Variants in POLA1 observed in about 807,000 individuals in gnomAD.
The protein encoded by POLA1 is DNA polymerase alpha catalytic subunit.
In POLA1, 15 loss-of-function variants were observed where a neutral mutation model predicts 124.0. That is an observed-to-expected ratio of 0.12 (90% CI 0.08 to 0.19). The LOEUF (loss-of-function observed/expected upper bound fraction) is 0.19. POLA1 is among the 10% of genes least tolerant of loss of function. POLA1 has a pLI of 1.00. For missense variants in POLA1, 886 were observed against 1,103.4 expected (o/e 0.80, Z 2.79); for synonymous variants, 408 against 389.4 (o/e 1.05, Z -0.56).
At chrX:24,969,290 G>C (rs771828596) in intron 36 of POLA1, among the ~76,000 whole-genome samples, 32 of 110,975 alleles carry the variant, frequency 2.9e-4, no homozygotes, top group African/African-American at 9.8e-4. Context: ...TGAGGTGGCA[G>C]AACCCTTTAT....
chrX:24,753,112 C>T (rs1472473419), intron 26 of POLA1, among the ~76,000 whole-genome samples: 2 of 108,534 alleles, frequency 1.8e-5, no homozygotes, highest in African/African-American at 6.7e-5. Flanking sequence ...CCCGGGTTCA[C>T]GCCATTCTAC....
intron 23 of POLA1, among the ~76,000 whole-genome samples, chrX:24,743,863 C>T (rs760267133): frequency 9.0e-6 from 1 of 111,143 alleles, no homozygotes; most frequent in South Asian, 3.8e-4. Context: ...TTTTGTGGTA[C>T]ACAGAGCTAG....
chrX:24,958,156 G>C (rs1320260289), intron 36 of POLA1, among the ~76,000 whole-genome samples: 1 of 111,810 alleles, frequency 8.9e-6, no homozygotes, highest in African/African-American at 3.2e-5. Context: ...GGCGAGACTT[G>C]AGGTGATCTT....
intron 20 of POLA1, 54 bp from the exon 21 acceptor site, chrX:24,741,321 G>C (rs1046952893): frequency 2.1e-6 from 2 of 972,684 alleles, no homozygotes; most frequent in Non-Finnish European, 2.9e-6. Flanking sequence ...TCTGATTATA[G>C]GCATTGTTTC....
At chrX:24,840,414 G>A (rs1601791939) in intron 32 of POLA1, among the ~76,000 whole-genome samples, 1 of 111,918 alleles carries the variant, frequency 8.9e-6, no homozygotes, top group Non-Finnish European at 1.9e-5. Context: ...TGCTACCTCC[G>A]TTTCGCAGGT....
chrX:24,735,507 A>G lies in POLA1; in HGVS notation c.1923+19A>G. 1.1e-6 allele frequency: 1 copy of G among 941,227 alleles called. No individual in the cohort carries two copies. Among genetic ancestry groups the G allele is most frequent in the Non-Finnish European group, 1.5e-6 (1 of 650,405 alleles). The allele number at this position is 941,227 out of a possible 1,213,427, so 77.6% of individuals were successfully genotyped here. A position where few individuals can be genotyped will look rare whatever the true frequency, so the allele number is the denominator to read the frequency against. ...CATTGTGGTGAGTAGATGTTTGATC[A>G]TGTTGTGGGGAAGCTCTTCATTTCT... On this transcript the variant is annotated intron_variant, in intron 18 of 36. Transcript: ENST00000379068.
chrX:24,742,159 A>ACC (rs113389943), intron 22 of POLA1, 38 bp downstream of exon 22: 103 of 829,154 alleles, frequency 1.2e-4, no homozygotes, highest in Middle Eastern at 6.4e-4. Context: ...TTTTCTCTTA[A>ACC]CCCCCCCCCC....
intron 22 of POLA1, among the ~76,000 whole-genome samples, chrX:24,742,505 G>A (rs1161863099): frequency 8.9e-6 from 1 of 111,989 alleles, no homozygotes; most frequent in East Asian, 2.8e-4. Context: ...TTCTGTACTA[G>A]TATGACCAAG....
chrX:24,951,356 C>G (rs567643840), intron 36 of POLA1, among the ~76,000 whole-genome samples: 8,707 of 75,973 alleles, frequency 0.11, 635 homozygotes, highest in Middle Eastern at 0.14. Context: ...CCCCCCCCCC[C>G]CCACCAAATG....
intron 36 of POLA1, among the ~76,000 whole-genome samples, chrX:24,952,269 C>G (rs1040029914): frequency 2.7e-5 from 3 of 112,032 alleles, no homozygotes; most frequent in Non-Finnish European, 5.6e-5. Flanking sequence ...TCTTTGCTGC[C>G]ATCCTTTTGT....
intron 26 of POLA1, among the ~76,000 whole-genome samples, chrX:24,797,008 G>T (rs1385586744): frequency 8.9e-6 from 1 of 111,899 alleles, no homozygotes; most frequent in Non-Finnish European, 1.9e-5. Context: ...GATTGCACTT[G>T]CTAAATGTCT....
In POLA1 at chrX:24,891,130, T is replaced by G. The variant is rs142403117; in HGVS notation, c.4164+3008T>G. Among the ~76,000 whole-genome samples, 403 of 112,576 alleles carry G rather than the reference T, an allele frequency of 3.6e-3. 3 individuals carry two copies. The highest frequency in any genetic ancestry group is 0.012 in the African/African-American group (369 of 31,074). On this transcript the variant is annotated intron_variant, in intron 35 of 36. Coordinates refer to ENST00000379068, the MANE Select transcript of POLA1 (RefSeq NM_001330360.2). ...GAGGATGATGTTGATAGTGGTTTAG[T>G]ATATCAGGTTATCTTTTAACATTTA...
intron 35 of POLA1, among the ~76,000 whole-genome samples, chrX:24,901,737 A>T (rs1472343651): frequency 1.8e-5 from 2 of 111,674 alleles, no homozygotes; most frequent in Non-Finnish European, 3.8e-5. Flanking sequence ...TGCTACTCCA[A>T]TCCTTCTTCC....
intron 32 of POLA1, among the ~76,000 whole-genome samples, chrX:24,841,295 A>G (rs1021275308): frequency 4.5e-5 from 5 of 112,161 alleles, no homozygotes; most frequent in African/African-American, 1.6e-4. Context: ...TGGGATTTTT[A>G]TTCCCTGATT....
intron 26 of POLA1, among the ~76,000 whole-genome samples, chrX:24,793,277 CAAAAAAAAAAAAAAAAA>C (rs144419886): frequency 3.8e-5 from 1 of 26,035 alleles, no homozygotes; most frequent in East Asian, 9.7e-4. Flanking sequence ...GACTCCCTCT[CAAAAAAAAAAAAAAAAA>C]AAAAAAAAAA....
intron 35 of POLA1, among the ~76,000 whole-genome samples, chrX:24,909,128 G>T (rs1324903697): frequency 2.7e-5 from 3 of 112,135 alleles, no homozygotes; most frequent in African/African-American, 6.5e-5. Context: ...GTAGATTCTG[G>T]ATATTAGCCC....
intron 34 of POLA1, among the ~76,000 whole-genome samples, chrX:24,857,136 G>C (rs1011721243): frequency 3.6e-5 from 4 of 111,000 alleles, no homozygotes; most frequent in Non-Finnish European, 7.6e-5. Context: ...TTTTTTCTTT[G>C]GTCTGTGTGT....
At chrX:24,930,407 C>T in intron 35 of POLA1, 46 bp from the exon 36 acceptor site, 1 of 831,738 alleles carries the variant, frequency 1.2e-6, no homozygotes, top group Non-Finnish European at 1.8e-6. Flanking sequence ...CCCATCGCTT[C>T]CCCCTCCCCA....
chrX:24,799,336 T>C (rs1321851623), intron 26 of POLA1, among the ~76,000 whole-genome samples: 1 of 112,315 alleles, frequency 8.9e-6, no homozygotes, highest in Admixed American at 9.4e-5. Context: ...AGACCAGGTG[T>C]TTAGTAATGA....
Sources: allele counts gnomAD v4.1 joint callset (sites outside exome capture counted in the v4.1 genomes callset), GRCh38; gene constraint gnomAD v4.1.1; transcripts MANE v1.5; gene names NCBI Gene and HGNC (gene_info 2026-07-23, HGNC 2026-07-21).